SIAH1: variants seen among roughly 807,000 people sequenced by gnomAD.
SIAH1 encodes the protein siah E3 ubiquitin protein ligase 1.
A neutral mutation model predicts 20.0 loss-of-function variants in SIAH1; 2 were observed. The ratio of observed to expected loss-of-function variants is 0.10; its 90% confidence interval spans 0.04 to 0.31. The LOEUF (loss-of-function observed/expected upper bound fraction) is 0.31, where lower values mean the gene tolerates loss of function less well. Ranked by LOEUF, SIAH1 falls within the 10% of genes least tolerant of loss-of-function variation. The pLI, the probability that SIAH1 is intolerant of heterozygous loss-of-function variation, is 1.00. For synonymous variants in SIAH1, 118 were observed against 125.3 expected, an observed-to-expected ratio of 0.94 and a Z score of 0.39; for missense variants, 119 against 355.3, an observed-to-expected ratio of 0.33 and a Z score of 5.35.
chr16:48,362,746 G>A lies in SIAH1; in HGVS notation c.-2-316C>T. 4.0e-6 allele frequency: 1 copy of A among 250,474 alleles called. No individual in the cohort carries two copies. Among genetic ancestry groups the A allele is most frequent in the South Asian group, 5.4e-5 (1 of 18,394 alleles). The allele number at this position is 250,474 out of a possible 1,614,324, so 15.5% of individuals were successfully genotyped here. A position where few individuals can be genotyped will look rare whatever the true frequency, so the allele number is the denominator to read the frequency against. On this transcript the variant is annotated intron_variant, in intron 1 of 1. Coordinates refer to ENST00000394725, the MANE Select transcript of SIAH1 (RefSeq NM_003031.4). This position sits in a 1 kb window ranked among gnomAD's most constrained non-coding sequence, Gnocchi z 4.2. Reference sequence around the variant, plus strand: ...AGAAAATGGACCATAAACAACTAAAGAAACTATACAAGGAACTGAAGTTTA... The same window carrying A: ...AGAAAATGGACCATAAACAACTAAAAAAACTATACAAGGAACTGAAGTTTA...
intron 1 of SIAH1, among the ~76,000 whole-genome samples, chr16:48,368,718 G>A (rs1179762743): frequency 2.6e-5 from 4 of 152,022 alleles, no homozygotes; most frequent in Admixed American, 6.6e-5. Context: ...ACTCCAGCCT[G>A]GGCGACAGAG....
chr16:48,372,127 G>C (rs755036080), intron 1 of SIAH1, among the ~76,000 whole-genome samples: 4 of 152,060 alleles, frequency 2.6e-5, no homozygotes, highest in Non-Finnish European at 5.9e-5. Flanking sequence ...AGAAATTAAA[G>C]AAACAGGGTA....
intron 1 of SIAH1, among the ~76,000 whole-genome samples, chr16:48,376,009 G>A (rs1961100754): frequency 6.6e-6 from 1 of 152,146 alleles, no homozygotes; most frequent in African/African-American, 2.4e-5. Flanking sequence ...ACAGTACACA[G>A]TTCAAACATA....
upstream of SIAH1, among the ~76,000 whole-genome samples, chr16:48,386,499 T>A (rs566678326): frequency 2.0e-5 from 3 of 152,282 alleles, no homozygotes; most frequent in Admixed American, 6.5e-5. Flanking sequence ...AGAGCGAGAC[T>A]CTGTCTCAAA....
intron 1 of SIAH1, among the ~76,000 whole-genome samples, chr16:48,371,760 A>G (rs376015982): frequency 1.1e-3 from 166 of 152,382 alleles, no homozygotes; most frequent in African/African-American, 3.6e-3. Context: ...GTGTCTATAT[A>G]AAAACATTCA....
At position 48,385,252 on chromosome 16, in the gene SIAH1, T is replaced by C; in HGVS notation, c.-51A>G. On this transcript the variant is annotated 5_prime_UTR_variant, in exon 1 of 2. Coordinates refer to ENST00000394725, the MANE Select transcript of SIAH1 (RefSeq NM_003031.4). ...GACCCCGGTCCTGGCACCAACGCGCTCCGTCGCCAACCCCCGCCACCGCGG... is the reference window on the plus strand; with the variant it reads ...GACCCCGGTCCTGGCACCAACGCGCCCCGTCGCCAACCCCCGCCACCGCGG... 1 of 321,544 alleles carries C rather than the reference T, an allele frequency of 3.1e-6. No individual in the cohort carries two copies. Among genetic ancestry groups the C allele is most frequent in the Non-Finnish European group, 6.6e-6 (1 of 151,922 alleles). 19.9% of individuals were successfully genotyped at this position (321,544 alleles called of 1,614,324 possible).
At chr16:48,365,957 T>A in intron 1 of SIAH1, 1 of 1,168,268 alleles carries the variant, frequency 8.6e-7, no homozygotes, top group Non-Finnish European at 1.1e-6. Flanking sequence ...GAACGCCTAC[T>A]CCAACCCGGG....
chr16:48,378,222 G>A (rs936095990), intron 1 of SIAH1, among the ~76,000 whole-genome samples: 1 of 152,154 alleles, frequency 6.6e-6, no homozygotes, highest in African/African-American at 2.4e-5. Flanking sequence ...GTGTGGTGGT[G>A]CATGCCTGTA....
intron 1 of SIAH1, among the ~76,000 whole-genome samples, chr16:48,371,823 T>C (rs1252107605): frequency 1.3e-5 from 2 of 152,230 alleles, no homozygotes; most frequent in Admixed American, 6.5e-5. Flanking sequence ...TTATGTTTTA[T>C]ATTCTCTCAG....
chr16:48,374,183 C>T (rs938414089), intron 1 of SIAH1, among the ~76,000 whole-genome samples: 3 of 152,158 alleles, frequency 2.0e-5, no homozygotes, highest in African/African-American at 7.2e-5. Flanking sequence ...GTTATAGGCG[C>T]CCACTGTCCT....
chr16:48,376,715 CA>C (rs923241996), intron 1 of SIAH1, among the ~76,000 whole-genome samples: 9 of 152,280 alleles, frequency 5.9e-5, no homozygotes, highest in African/African-American at 2.2e-4. Context: ...CCTCCCCTCA[CA>C]AACTCAAAAG....
chr16:48,373,671 A>C (rs1341412421), intron 1 of SIAH1, among the ~76,000 whole-genome samples: 1 of 152,194 alleles, frequency 6.6e-6, no homozygotes, highest in Non-Finnish European at 1.5e-5. Context: ...TGTTCTGAGC[A>C]CAGCAATTAG....
At position 48,381,550 on chromosome 16, in the gene SIAH1, T is replaced by C. The variant is rs371651901; in HGVS notation, c.-3+3654A>G. Among the ~76,000 whole-genome samples the C allele has an allele frequency of 3.3e-4, 50 of 152,256 alleles. 1 individual carries two copies. Among genetic ancestry groups the C allele is most frequent in the African/African-American group, 1.2e-3 (49 of 41,534 alleles). ...ATGGATAAACCAACTGTGGTACATC[T>C]AGACAACAGATTATTATGCAGCCCT... is the stretch of plus-strand genomic sequence containing the variant. On this transcript the variant is annotated intron_variant, in intron 1 of 1. Coordinates refer to ENST00000394725, the MANE Select transcript of SIAH1 (RefSeq NM_003031.4).
At chr16:48,375,819 T>C (rs1961095146) in intron 1 of SIAH1, among the ~76,000 whole-genome samples, 1 of 152,136 alleles carries the variant, frequency 6.6e-6, no homozygotes, top group Non-Finnish European at 1.5e-5. Flanking sequence ...GAAAAGAAAC[T>C]GGAAGGACAT....
At chr16:48,376,482 TA>T (rs891929535) in intron 1 of SIAH1, among the ~76,000 whole-genome samples, 26 of 151,690 alleles carry the variant, frequency 1.7e-4, no homozygotes, top group African/African-American at 3.4e-4. Context: ...TTTTATACTA[TA>T]AAAAAAAATC....
chr16:48,382,005 A>T (rs1341177594), intron 1 of SIAH1, among the ~76,000 whole-genome samples: 3 of 152,010 alleles, frequency 2.0e-5, no homozygotes, highest in East Asian at 3.9e-4. Context: ...GTTGCTATGA[A>T]CCTAATGCTG....
Position 48,362,297 on chromosome 16 carries a change from G to A in SIAH1, c.132C>T (p.Cys44=). The change falls in exon 2 of 2, where the codon TGC becomes TGT. Residue 44 remains cysteine, a synonymous_variant. Transcript: ENST00000394725. The surrounding 1 kb of genome is among the most constrained non-coding windows in gnomAD (Gnocchi z 4.2). ...DLASLFECPV[C]FDYVLPPILQ... The stretch of plus-strand genomic sequence containing the variant: ...GAATGGGCGGTAACACATAGTCAAA[G>A]CAGACTGGACACTCAAAAAGACTCG... 1 of 1,614,180 alleles carries A rather than the reference G, an allele frequency of 6.2e-7. No homozygotes were observed. The highest frequency in any genetic ancestry group is 1.1e-5 in the South Asian group (1 of 91,086).
chr16:48,362,696 T>C lies in SIAH1; in HGVS notation c.-2-266A>G, dbSNP rs1960643285. ...CTCCCTTAATCGTCTTTGGATAGAC[T>C]ACATAGAATAATAAATGCTAAAATA... On this transcript the variant is annotated intron_variant, in intron 1 of 1. Transcript: ENST00000394725. The surrounding 1 kb of genome is among the most constrained non-coding windows in gnomAD (Gnocchi z 4.2). The C allele has an allele frequency of 2.9e-6, 1 of 341,998 alleles. No homozygotes were observed. The highest frequency in any genetic ancestry group is 2.2e-5 in the African/African-American group (1 of 45,960). The allele number at this position is 341,998 out of a possible 1,614,324, so 21.2% of individuals were successfully genotyped here.
At chr16:48,369,330 G>A (rs1387380598) in intron 1 of SIAH1, among the ~76,000 whole-genome samples, 2 of 152,212 alleles carry the variant, frequency 1.3e-5, no homozygotes, top group African/African-American at 4.8e-5. Context: ...GGAAACCCAG[G>A]AAAGCTGCTG....
Sources: gnomAD v4.1 joint callset for allele counts (sites outside exome capture counted in the v4.1 genomes callset) on GRCh38, gnomAD v4.1.1 for gene constraint, Gnocchi (gnomAD v3.1) non-coding constraint, MANE v1.5 for transcripts, NCBI Gene and HGNC (gene_info 2026-07-23, HGNC 2026-07-21) for gene names.